PHF20: variants seen among roughly 807,000 people sequenced by gnomAD.
PHF20 encodes the protein glioma-expressed antigen 2.
A neutral mutation model predicts 113.5 loss-of-function variants in PHF20; 23 were observed. The observed-to-expected ratio is 0.20, with a 90% CI of 0.15 to 0.29. The LOEUF (loss-of-function observed/expected upper bound fraction) is 0.29. PHF20 is among the 10% of genes least tolerant of loss of function. The pLI is 1.00. For missense variants in PHF20, 943 were observed against 1,219.6 expected, an observed-to-expected ratio of 0.77 and a Z score of 3.38; for synonymous variants, 434 against 457.3, an observed-to-expected ratio of 0.95 and a Z score of 0.65.
In PHF20 at chr20:35,899,599, G is replaced by A. The variant is rs149300625; in HGVS notation, c.1512G>A (p.Lys504=). Residue 504 remains lysine (K), a synonymous_variant, in exon 10 of 18, where the codon AAG becomes AAA. Transcript: ENST00000374012. ...CCAGGGGCCCTTCAGCTTCAGACAA[G>A]CCCAGCCAGGAGACCCTGACCAGGA... is the stretch of plus-strand genomic sequence containing the variant. The part of the protein sequence containing the change: ...VQTRGPSASD[K]PSQETLTRKR... The A allele has an allele frequency of 9.9e-4, 1,596 of 1,614,140 alleles. 15 individuals are homozygous for A. In the African/African-American group the frequency reaches 0.019, roughly 19 times the overall value.
At chr20:35,919,125 G>A (rs1489835981) in intron 13 of PHF20, among the ~76,000 whole-genome samples, 3 of 148,540 alleles carry the variant, frequency 2.0e-5, no homozygotes, top group East Asian at 2.1e-4. Context: ...CAAGCGATTC[G>A]CCTGCCTCCA....
intron 5 of PHF20, among the ~76,000 whole-genome samples, chr20:35,861,717 A>G (rs1262641290): frequency 6.6e-6 from 1 of 152,134 alleles, no homozygotes; most frequent in African/African-American, 2.4e-5. Flanking sequence ...AAGAAGGGCA[A>G]TTTCAGTTTA....
chr20:35,924,602 T>C (rs2055589447), intron 13 of PHF20, among the ~76,000 whole-genome samples: 1 of 152,146 alleles, frequency 6.6e-6, no homozygotes, highest in Admixed American at 6.6e-5. Context: ...TTTATTTTAT[T>C]TTATTTTTTT....
At chr20:35,902,005 A>G (rs1014085219) in intron 10 of PHF20, among the ~76,000 whole-genome samples, 9 of 151,048 alleles carry the variant, frequency 6.0e-5, no homozygotes, top group Non-Finnish European at 1.3e-4. Context: ...TAATCTTTTT[A>G]ATAAGCCTGT....
intron 3 of PHF20, chr20:35,845,387 A>G: frequency 5.0e-6 from 2 of 396,986 alleles, no homozygotes; most frequent in Non-Finnish European, 1.0e-5. Flanking sequence ...TTTTAAAGAG[A>G]CGTTTTCTTG....
chr20:35,941,650 A>G (rs1021958065), intron 17 of PHF20, among the ~76,000 whole-genome samples: 1 of 152,074 alleles, frequency 6.6e-6, no homozygotes, highest in Non-Finnish European at 1.5e-5. Flanking sequence ...AATATTCCCT[A>G]ATTATTTGTT....
chr20:35,814,917 C>T (rs1395469090), intron 2 of PHF20, among the ~76,000 whole-genome samples: 2 of 150,540 alleles, frequency 1.3e-5, no homozygotes, highest in East Asian at 1.9e-4. Flanking sequence ...ATAAATAGGC[C>T]ATGCATAGTA....
At chr20:35,852,989 G>A (rs2042765275) in intron 4 of PHF20, among the ~76,000 whole-genome samples, 1 of 149,354 alleles carries the variant, frequency 6.7e-6, no homozygotes, top group African/African-American at 2.5e-5. Flanking sequence ...TTTGGAGGTC[G>A]AGGCAGGTGG....
At chr20:35,850,771 A>G (rs2042716527) in intron 4 of PHF20, 1 of 673,622 alleles carries the variant, frequency 1.5e-6, no homozygotes, top group South Asian at 1.6e-5. Flanking sequence ...ATAGCAATAC[A>G]GAAAGTGGGT....
At chr20:35,860,960 T>G (rs2054208328) in intron 5 of PHF20, among the ~76,000 whole-genome samples, 1 of 152,110 alleles carries the variant, frequency 6.6e-6, no homozygotes, top group Admixed American at 6.6e-5. Context: ...CAGTGAGGAT[T>G]TCTGGGTGCC....
rs34576397 is a variant in PHF20 at position 35,931,362 on chromosome 20, G to A, written c.2218G>A (p.Val740Met). ...NYSHQNAKKI[V>M]ATHQLLGDVQ... ...CTCCCATCAGAATGCCAAGAAGATC[G>A]TGGCCACCCACCAGCTTCTTGGTGA... The change falls in exon 15 of 18, where the codon GTG (valine) becomes ATG (methionine). Residue 740 changes from valine to methionine, a missense_variant. Coordinates refer to ENST00000374012, the MANE Select transcript of PHF20 (RefSeq NM_016436.5). The A allele has an allele frequency of 2.3e-5, 37 of 1,613,934 alleles. No homozygotes were observed. Among genetic ancestry groups the A allele is most frequent in the South Asian group, 4.4e-5 (4 of 91,084 alleles).
chr20:35,856,051 C>T (rs2042821975), intron 4 of PHF20, among the ~76,000 whole-genome samples: 1 of 152,096 alleles, frequency 6.6e-6, no homozygotes, highest in Non-Finnish European at 1.5e-5. Context: ...AGATCTTACT[C>T]ATTCTTTCTA....
At chr20:35,913,975 C>T (rs2055354409) in intron 11 of PHF20, 58 bp from the exon 12 acceptor site, 1 of 1,528,532 alleles carries the variant, frequency 6.5e-7, no homozygotes, top group Non-Finnish European at 9.0e-7. Context: ...GAGATTGATT[C>T]TAGAATGCAC....
At chr20:35,781,981 A>T (rs976679856) in intron 1 of PHF20, among the ~76,000 whole-genome samples, 8 of 151,992 alleles carry the variant, frequency 5.3e-5, no homozygotes, top group African/African-American at 1.9e-4. Flanking sequence ...TGTACCCATT[A>T]AACACTGACT....
chr20:35,933,263 C>G (rs367603492), intron 15 of PHF20, among the ~76,000 whole-genome samples: 8 of 151,254 alleles, frequency 5.3e-5, no homozygotes, highest in African/African-American at 1.9e-4. Context: ...GACAGAGCCT[C>G]GCTCTGTCAC....
At chr20:35,779,851 G>A (rs73095503) in intron 1 of PHF20, among the ~76,000 whole-genome samples, 2,174 of 152,270 alleles carry the variant, frequency 0.014, 30 homozygotes, top group Non-Finnish European at 0.023. Context: ...AGGTGCACAG[G>A]TGTTGGGATT....
intron 2 of PHF20, among the ~76,000 whole-genome samples, chr20:35,831,515 G>A (rs2042358651): frequency 6.6e-6 from 1 of 152,094 alleles, no homozygotes; most frequent in Non-Finnish European, 1.5e-5. Context: ...AGGCTGGAGT[G>A]CAGTGGTGTT....
intron 2 of PHF20, among the ~76,000 whole-genome samples, chr20:35,814,850 G>GC (rs991916950): frequency 1.4e-5 from 2 of 141,100 alleles, no homozygotes; most frequent in African/African-American, 5.2e-5. Flanking sequence ...TCCAGCCTGG[G>GC]CGACAGAGCG....
At chr20:35,811,042 C>CT (rs1258466770) in intron 2 of PHF20, among the ~76,000 whole-genome samples, 3 of 151,180 alleles carry the variant, frequency 2.0e-5, no homozygotes, top group South Asian at 2.1e-4. Context: ...TTAGGTTCCA[C>CT]TTTTTTTTTA....
Sources: allele counts gnomAD v4.1 joint callset (sites outside exome capture counted in the v4.1 genomes callset), GRCh38; gene constraint gnomAD v4.1.1; transcripts MANE v1.5; gene names NCBI Gene and HGNC (gene_info 2026-07-23, HGNC 2026-07-21).